SPRED2: variants seen among roughly 807,000 people sequenced by gnomAD.
SPRED2 encodes sprouty related EVH1 domain containing 2.
Under a neutral mutation model 43.0 loss-of-function variants are expected in SPRED2, and 47 were observed. The ratio of observed to expected loss-of-function variants is 1.09; its 90% CI spans 0.87 to 1.40. The LOEUF (loss-of-function observed/expected upper bound fraction) is 1.40. Among genes scored for constraint, SPRED2 ranks in the 40% most tolerant of loss-of-function variants. The pLI is 0.00. For missense variants in SPRED2, 561 were observed against 586.4 expected (o/e 0.96, Z 0.45); for synonymous variants, 225 against 225.7 (o/e 1.00, Z 0.03).
chr2:65,335,550 A>G (rs1673939950), intron 2 of SPRED2, among the ~76,000 whole-genome samples: 1 of 152,226 alleles, frequency 6.6e-6, no homozygotes, highest in African/African-American at 2.4e-5. Context: ...AATAAATGAG[A>G]AACCTAATTC....
intron 1 of SPRED2, among the ~76,000 whole-genome samples, chr2:65,425,496 A>T (rs1186829117): frequency 1.3e-5 from 2 of 152,254 alleles, no homozygotes; most frequent in African/African-American, 4.8e-5. Context: ...CATAATGTTG[A>T]TAAAGGTTAC....
rs1675205074 is a variant in SPRED2 at position 65,374,998 on chromosome 2, TGA to T, written c.27-30104_27-30103del. Among the ~76,000 whole-genome samples, 8 of 152,174 alleles carry T rather than the reference TGA, an allele frequency of 5.3e-5. 1 individual carries two copies. The South Asian group carries it at 1.7e-3, about 32-fold the overall frequency. On this transcript the variant is annotated intron_variant, in intron 1 of 5. Coordinates refer to ENST00000356388, the MANE Select transcript of SPRED2 (RefSeq NM_181784.3). ...AAAGAAGCTTGCTGTGTGTGGCAGA[TGA>T]GTGTTTTACAGGGGTGTCTCATAGG...
intron 1 of SPRED2, among the ~76,000 whole-genome samples, chr2:65,413,041 A>G (rs902069739): frequency 4.6e-5 from 7 of 152,198 alleles, no homozygotes; most frequent in African/African-American, 1.4e-4. Flanking sequence ...TCCTTCACCT[A>G]TAAGTGGGCT....
intron 1 of SPRED2, among the ~76,000 whole-genome samples, chr2:65,401,851 T>A (rs1675896371): frequency 6.6e-6 from 1 of 151,452 alleles, no homozygotes. Flanking sequence ...TACTAACAGT[T>A]GGTCAATATT....
At chr2:65,367,742 T>G (rs1220663682) in intron 1 of SPRED2, among the ~76,000 whole-genome samples, 1 of 152,210 alleles carries the variant, frequency 6.6e-6, no homozygotes, top group African/African-American at 2.4e-5. Flanking sequence ...CCTGGCTTCA[T>G]GGCTCAGTGT....
intron 1 of SPRED2, among the ~76,000 whole-genome samples, chr2:65,385,661 G>A (rs1259981955): frequency 2.0e-5 from 3 of 152,190 alleles, no homozygotes; most frequent in African/African-American, 7.2e-5. Flanking sequence ...CTGCCACCAA[G>A]AAGTGGAAGG....
Position 65,344,912 on chromosome 2 carries a change from G to A in SPRED2, c.27-16C>T. 6.2e-7 allele frequency: 1 copy of A among 1,609,580 alleles called. No individual in the cohort carries two copies. The highest frequency in any genetic ancestry group is 2.2e-5 in the East Asian group (1 of 44,748). On this transcript the variant is annotated splice_polypyrimidine_tract_variant and intron_variant, in intron 1 of 5. Transcript: ENST00000356388. ...ATAGCTGTCACTAAAACGACAAGAA[G>A]AAGAAGCACAGGGCATGACAATGGT...
chr2:65,424,200 G>A (rs1019834743), intron 1 of SPRED2, among the ~76,000 whole-genome samples: 1 of 152,098 alleles, frequency 6.6e-6, no homozygotes, highest in Non-Finnish European at 1.5e-5. Flanking sequence ...GGCAGGGGAA[G>A]AGGTACGGTC....
rs545352985 is a variant in SPRED2 at position 65,349,450 on chromosome 2, C to T, written c.27-4554G>A. Among the ~76,000 whole-genome samples, 11 of 152,206 alleles carry T rather than the reference C, an allele frequency of 7.2e-5. No homozygotes were observed. In the South Asian group the frequency reaches 8.3e-4, roughly 11 times the overall value. ...CAAACAAAAAAACCTAAGGGTCCTA[C>T]GACTTTTAATTCTCTAGTGTGCAAC... On this transcript the variant is annotated intron_variant, in intron 1 of 5. Transcript: ENST00000356388.
At chr2:65,386,285 CAA>C (rs761665293) in intron 1 of SPRED2, among the ~76,000 whole-genome samples, 1 of 55,476 alleles carries the variant, frequency 1.8e-5, no homozygotes, top group African/African-American at 9.4e-5. Flanking sequence ...GACTCTGTCT[CAA>C]AAAAAAAAAA....
At chr2:65,366,339 G>A (rs2104330181) in intron 1 of SPRED2, among the ~76,000 whole-genome samples, 1 of 124,228 alleles carries the variant, frequency 8.0e-6, no homozygotes, top group East Asian at 3.2e-4. Flanking sequence ...ATTTCTATCA[G>A]AATATCTAAG....
chr2:65,396,327 A>G (rs1675756387), intron 1 of SPRED2, among the ~76,000 whole-genome samples: 1 of 152,190 alleles, frequency 6.6e-6, no homozygotes, highest in Non-Finnish European at 1.5e-5. Context: ...GGTTTACTTG[A>G]AACCCACCCA....
intron 1 of SPRED2, among the ~76,000 whole-genome samples, chr2:65,372,165 A>T (rs893371422): frequency 2.0e-5 from 3 of 152,146 alleles, no homozygotes; most frequent in Admixed American, 6.5e-5. Flanking sequence ...AGGGAAAGGC[A>T]AAGGGAACTC....
chr2:65,366,305 A>AAACAACAACAAC (rs6146790), intron 1 of SPRED2, among the ~76,000 whole-genome samples: 57,699 of 151,386 alleles, frequency 0.38, 11,454 homozygotes, highest in East Asian at 0.68. Context: ...TAATAATAAA[A>AAACAACAACAAC]AACAACAACA....
At position 65,313,388 on chromosome 2, in the gene SPRED2, C is replaced by T; in HGVS notation, c.*113G>A. 1.3e-6 allele frequency: 2 copies of T among 1,499,066 alleles called. No homozygotes were observed. Among genetic ancestry groups the T allele is most frequent in the Non-Finnish European group, 1.8e-6 (2 of 1,131,948 alleles). The allele number at this position is 1,499,066 out of a possible 1,614,324, so 92.9% of individuals were successfully genotyped here. On this transcript the variant is annotated 3_prime_UTR_variant, in exon 6 of 6. Transcript: ENST00000356388. ...CTCGAGGTACCAGGGAGCTGGGAGG[C>T]CGCTTGCCCTCCTCGCTCCTTGGAG... is the stretch of plus-strand genomic sequence containing the variant.
At chr2:65,430,476 G>A (rs1676650766) in intron 1 of SPRED2, among the ~76,000 whole-genome samples, 1 of 152,226 alleles carries the variant, frequency 6.6e-6, no homozygotes, top group Non-Finnish European at 1.5e-5. Flanking sequence ...AAAGGATAAA[G>A]GGGGTATATT....
chr2:65,331,738 C>T (rs868842376), intron 4 of SPRED2, among the ~76,000 whole-genome samples: 1 of 152,210 alleles, frequency 6.6e-6, no homozygotes, highest in Admixed American at 6.5e-5. Flanking sequence ...TTTAAGACAA[C>T]CTTGGACAGA....
At chr2:65,308,672 G>T, downstream of SPRED2, 3 of 605,206 alleles carry the variant, frequency 5.0e-6, no homozygotes, top group Non-Finnish European at 6.2e-6. Context: ...CTTCACGCCA[G>T]CTGAGGGTAG....
intron 1 of SPRED2, among the ~76,000 whole-genome samples, chr2:65,420,399 T>C (rs976334396): frequency 6.6e-6 from 1 of 152,194 alleles, no homozygotes; most frequent in Admixed American, 6.5e-5. Flanking sequence ...GTTTCAGTCC[T>C]CTAGTTTATT....
Sources: allele counts gnomAD v4.1 joint callset (sites outside exome capture counted in the v4.1 genomes callset), GRCh38; gene constraint gnomAD v4.1.1; transcripts MANE v1.5; gene names NCBI Gene and HGNC (gene_info 2026-07-23, HGNC 2026-07-21).